Variants in DGKB observed in about 807,000 individuals in gnomAD.
DGKB encodes diacylglycerol kinase beta.
DGKB carries 67 observed loss-of-function variants against 114.3 expected under a neutral mutation model. That is an observed-to-expected ratio of 0.59 (90% CI 0.48 to 0.72). DGKB has a LOEUF of 0.72. Among genes scored for constraint, DGKB ranks in the 30% least tolerant of loss-of-function variants. DGKB has a pLI of 0.00. For synonymous variants in DGKB, 398 were observed against 323.1 expected (o/e 1.23, Z -2.49); for missense variants, 907 against 975.2 (o/e 0.93, Z 0.93).
At chr7:14,343,967 G>T (rs941843680) in intron 22 of DGKB, among the ~76,000 whole-genome samples, 1 of 146,652 alleles carries the variant, frequency 6.8e-6, no homozygotes, top group Non-Finnish European at 1.5e-5. Flanking sequence ...ATAACTAAAT[G>T]TAGTTACAGA....
chr7:14,733,485 G>A (rs1010693847), intron 5 of DGKB, among the ~76,000 whole-genome samples: 6 of 152,038 alleles, frequency 3.9e-5, no homozygotes, highest in African/African-American at 1.4e-4. Flanking sequence ...CCAGGCATTC[G>A]AGACCAGCCT....
At chr7:14,212,615 A>G (rs1746803207) in intron 23 of DGKB, among the ~76,000 whole-genome samples, 1 of 152,108 alleles carries the variant, frequency 6.6e-6, no homozygotes, top group Non-Finnish European at 1.5e-5. Flanking sequence ...AATTGCCATC[A>G]TCTTGCAGAT....
At chr7:14,367,074 A>G (rs1004933257) in intron 21 of DGKB, among the ~76,000 whole-genome samples, 1 of 152,086 alleles carries the variant, frequency 6.6e-6, no homozygotes, top group Non-Finnish European at 1.5e-5. Context: ...CATGCGGTGC[A>G]ATACTCTCTT....
chr7:14,836,712 G>C (rs1168574766), intron 2 of DGKB, among the ~76,000 whole-genome samples: 1 of 152,216 alleles, frequency 6.6e-6, no homozygotes, highest in African/African-American at 2.4e-5. Flanking sequence ...TGCTTCCCAT[G>C]GAGTGACTCA....
At chr7:14,587,601 T>C (rs1315191713) in intron 17 of DGKB, among the ~76,000 whole-genome samples, 2 of 152,088 alleles carry the variant, frequency 1.3e-5, no homozygotes, top group African/African-American at 2.4e-5. Flanking sequence ...AAATCTTTCA[T>C]AAAAGTAAGT....
chr7:14,221,321 G>C (rs1789925749), intron 23 of DGKB, among the ~76,000 whole-genome samples: 1 of 151,274 alleles, frequency 6.6e-6, no homozygotes, highest in African/African-American at 2.4e-5. Flanking sequence ...GTTTTACATA[G>C]AAGCCCTTTA....
intron 23 of DGKB, among the ~76,000 whole-genome samples, chr7:14,257,993 G>C (rs547053867): frequency 6.6e-6 from 1 of 152,164 alleles, no homozygotes; most frequent in African/African-American, 2.4e-5. Context: ...CTCCCAAAGT[G>C]CTGGGATTGC....
At chr7:14,276,975 T>C (rs964466652) in intron 23 of DGKB, among the ~76,000 whole-genome samples, 1 of 152,078 alleles carries the variant, frequency 6.6e-6, no homozygotes, top group African/African-American at 2.4e-5. Context: ...TTAACATATC[T>C]TTTTTGTGGT....
chr7:14,155,016 G>T (rs1202508841), intron 25 of DGKB, among the ~76,000 whole-genome samples: 2 of 151,906 alleles, frequency 1.3e-5, no homozygotes, highest in Non-Finnish European at 2.9e-5. Context: ...AGACTCCCCG[G>T]TCCCACCCCA....
intron 6 of DGKB, among the ~76,000 whole-genome samples, chr7:14,704,540 G>T (rs146323824): frequency 6.6e-6 from 1 of 151,734 alleles, no homozygotes; most frequent in Non-Finnish European, 1.5e-5. Flanking sequence ...CAGCGAGACC[G>T]ACGCAGAAGA....
intron 1 of DGKB, among the ~76,000 whole-genome samples, chr7:14,857,039 A>G (rs894642953): frequency 3.9e-5 from 6 of 152,176 alleles, no homozygotes; most frequent in African/African-American, 1.4e-4. Flanking sequence ...CCTACATTAG[A>G]TGACATTATA....
chr7:14,186,531 G>C lies in DGKB; in HGVS notation c.2123-8380C>G, dbSNP rs143130452. Among the ~76,000 whole-genome samples the C allele has an allele frequency of 2.1e-3, 324 of 152,192 alleles. 8 individuals carry two copies. Among genetic ancestry groups the C allele is most frequent in the Admixed American group, 0.019 (297 of 15,278 alleles). ...TCCCTCTACTGGGTGTCTACACAAA[G>C]GAAAAGAAGTCATTATTCAGAAAAG... On this transcript the variant is annotated intron_variant, in intron 23 of 25. Coordinates refer to ENST00000402815, the MANE Select transcript of DGKB (RefSeq NM_001350709.2).
chr7:14,704,168 G>A (rs1259348529), intron 6 of DGKB, among the ~76,000 whole-genome samples: 2 of 151,712 alleles, frequency 1.3e-5, no homozygotes, highest in Non-Finnish European at 1.5e-5. Context: ...GGGCGCGGTG[G>A]CTTATGCCTG....
At chr7:14,823,105 T>C (rs1466062078) in intron 2 of DGKB, among the ~76,000 whole-genome samples, 1 of 151,740 alleles carries the variant, frequency 6.6e-6, no homozygotes, top group Non-Finnish European at 1.5e-5. Flanking sequence ...TCAGATATCT[T>C]TGTATGTTAA....
At position 14,969,016 on chromosome 7, in the gene DGKB, T is replaced by A. The variant is rs182509219; in HGVS notation, c.-188+5680A>T. ...CTGGTTTTCCAGTCTGTCATTTATT[T>A]TGATGATTTATTGTCTTGACCAGCA... is the stretch of plus-strand genomic sequence containing the variant. On this transcript the variant is annotated intron_variant, in intron 1 of 4. Transcript: ENST00000437998. Among the ~76,000 whole-genome samples, 18 of 152,310 alleles carry A rather than the reference T, an allele frequency of 1.2e-4. No individual in the cohort carries two copies. In the East Asian group the frequency reaches 3.5e-3, roughly 29 times the overall value.
intron 1 of DGKB, among the ~76,000 whole-genome samples, chr7:14,940,339 A>C (rs559116900): frequency 5.7e-5 from 8 of 139,798 alleles, no homozygotes; most frequent in African/African-American, 2.1e-4. Flanking sequence ...CAGAGTCTTC[A>C]AGCCTTTTTT....
At chr7:14,418,712 G>A (rs1367158525) in intron 21 of DGKB, among the ~76,000 whole-genome samples, 1 of 151,848 alleles carries the variant, frequency 6.6e-6, no homozygotes, top group African/African-American at 2.4e-5. Context: ...TCCTGGATAT[G>A]TTGCTTCATA....
intron 2 of DGKB, among the ~76,000 whole-genome samples, chr7:14,790,343 C>A (rs1840491555): frequency 6.6e-6 from 1 of 152,070 alleles, no homozygotes; most frequent in East Asian, 1.9e-4. Flanking sequence ...CTTTCAATAT[C>A]AAGTCTAAGA....
At position 14,666,009 on chromosome 7, in the gene DGKB, T is replaced by C. The variant is rs115408950; in HGVS notation, c.1134+6920A>G. The stretch of plus-strand genomic sequence containing the variant: ...ATTGCAGAGAAACAGAAGAGAAATT[T>C]ATGAATAGAATAGTGATAAAGGTAT... On this transcript the variant is annotated intron_variant, in intron 13 of 25. Transcript: ENST00000402815. 2.8e-3 allele frequency among the ~76,000 whole-genome samples: 425 copies of C among 152,090 alleles called. 3 individuals carry two copies. The highest frequency in any genetic ancestry group is 0.015 in the Admixed American group (225 of 15,224).
Sources: gnomAD v4.1 joint callset for allele counts (sites outside exome capture counted in the v4.1 genomes callset) on GRCh38, gnomAD v4.1.1 for gene constraint, MANE v1.5 for transcripts, NCBI Gene and HGNC (gene_info 2026-07-23, HGNC 2026-07-21) for gene names.